Variants in RPAP1 observed in about 807,000 individuals in gnomAD.
RPAP1 encodes RNA polymerase II-associated protein 1.
A neutral mutation model predicts 142.4 loss-of-function variants in RPAP1; 109 were observed. The ratio of observed to expected loss-of-function variants is 0.77; its 90% CI spans 0.66 to 0.90. The LOEUF is 0.90. Ranked by LOEUF, RPAP1 falls within the 40% of genes least tolerant of loss-of-function variation. The probability of loss-of-function intolerance (pLI) is 0.00; values close to 1 mark genes in which losing one functional copy is unlikely to be tolerated. For synonymous variants in RPAP1, 704 were observed against 738.9 expected (o/e 0.95, Z 0.77); for missense variants, 1,546 against 1,751.7 (o/e 0.88, Z 2.10).
At chr15:41,530,082 G>C (rs2051833373) in intron 7 of RPAP1, 103 bp from the exon 8 acceptor site, 1 of 838,050 alleles carries the variant, frequency 1.2e-6, no homozygotes. Flanking sequence ...TCTGTTCCAG[G>C]ATCTGCCAGC....
chr15:41,532,091 G>A (rs2140778891), intron 6 of RPAP1, among the ~76,000 whole-genome samples: 1 of 149,854 alleles, frequency 6.7e-6, no homozygotes, highest in Admixed American at 6.7e-5. Context: ...GCACGATCTC[G>A]GCTCACTGCA....
At chr15:41,520,335 G>T in intron 22 of RPAP1, 56 bp downstream of exon 22, 1 of 1,592,260 alleles carries the variant, frequency 6.3e-7, no homozygotes, top group Non-Finnish European at 8.6e-7. Flanking sequence ...GCTCAGGACT[G>T]CCCCCGAGGC....
chr15:41,534,913 G>A lies in RPAP1; in HGVS notation c.564C>T (p.Pro188=). The change falls in exon 6 of 25, where the codon CCC becomes CCT. Residue 188 remains proline, a synonymous_variant. Transcript: ENST00000304330. ...PPEGAVTCET[P]TPRNQGCQLP... ...GCTGGCAGCCCTGGTTCCTAGGAGTGGGTGTCTCACAGGTCACGGCACCTG... is the reference window on the plus strand; with the variant it reads ...GCTGGCAGCCCTGGTTCCTAGGAGTAGGTGTCTCACAGGTCACGGCACCTG... The A allele has an allele frequency of 6.2e-7, 1 of 1,614,138 alleles. No homozygotes were observed. Among genetic ancestry groups the A allele is most frequent in the South Asian group, 1.1e-5 (1 of 91,078 alleles).
intron 4 of RPAP1, 106 bp downstream of exon 4, chr15:41,536,023 G>T (rs368478427): frequency 3.4e-5 from 27 of 797,776 alleles, no homozygotes; most frequent in African/African-American, 2.4e-4. Flanking sequence ...ATCCTGCTTT[G>T]TAAATTAAAT....
At chr15:41,537,883 CAAAA>C (rs34270949) in intron 1 of RPAP1, among the ~76,000 whole-genome samples, 1 of 131,578 alleles carries the variant, frequency 7.6e-6, no homozygotes, top group Non-Finnish European at 1.6e-5. Context: ...AACTCCGTCT[CAAAA>C]AAAAAAAAAA....
chr15:41,520,356 G>C (rs1226801714), intron 22 of RPAP1, 35 bp downstream of exon 22: 2 of 1,611,264 alleles, frequency 1.2e-6, no homozygotes, highest in Non-Finnish European at 1.7e-6. Flanking sequence ...CCAGTGCAGG[G>C]TACCCTTGCA....
At position 41,531,059 on chromosome 15, in the gene RPAP1, G is replaced by A; in HGVS notation, c.907C>T (p.Pro303Ser). Residue 303 changes from proline (P) to serine (S), a missense_variant, in exon 7 of 25, where the codon CCC (proline) becomes TCC (serine). Around this residue, in one of 3 missense-constraint regions of RPAP1, gnomAD observed 1,333 missense variants for 1,486.6 expected, o/e 0.90. Coordinates refer to ENST00000304330, the MANE Select transcript of RPAP1 (RefSeq NM_015540.4). ...EPLMSAFASE[P>S]RKRDKLEPEA... is the part of the protein sequence containing the mutation. ...GGCTCCAGCTTGTCTCTCTTCCTGG[G>A]CTCACTGGCAAAAGCTGACATGAGG... is the stretch of plus-strand genomic sequence containing the variant. 1 of 1,613,668 alleles carries A rather than the reference G, an allele frequency of 6.2e-7. No homozygotes were observed. The highest frequency in any genetic ancestry group is 8.5e-7 in the Non-Finnish European group (1 of 1,179,718).
intron 1 of RPAP1, among the ~76,000 whole-genome samples, chr15:41,537,653 G>A (rs2051925428): frequency 6.6e-6 from 1 of 152,130 alleles, no homozygotes; most frequent in Admixed American, 6.6e-5. Flanking sequence ...AGGCCGAGGA[G>A]GGTGGGTCAC....
At position 41,517,583 on chromosome 15, in the gene RPAP1, G is replaced by A; in HGVS notation, c.4141C>T (p.Leu1381=). ...CCATTTTGGAGCACTGTTGAAGTCA[G>A]TCTCTGGAGGTAGTGCTGACGCAGA... The part of the protein sequence containing the change: ...PPLRQHYLQR[L]TSTVLQNGVS... The change falls in exon 25 of 25, where the codon CTG becomes TTG. Residue 1381 remains leucine, a synonymous_variant. Transcript: ENST00000304330. The A allele has an allele frequency of 6.2e-7, 1 of 1,602,114 alleles. No individual in the cohort carries two copies. Among genetic ancestry groups the A allele is most frequent in the Non-Finnish European group, 8.5e-7 (1 of 1,174,540 alleles).
intron 6 of RPAP1, among the ~76,000 whole-genome samples, chr15:41,531,955 A>G (rs2051856548): frequency 6.6e-6 from 1 of 151,974 alleles, no homozygotes. Flanking sequence ...TCCTGGGCTC[A>G]AGCAATCCTC....
intron 14 of RPAP1, among the ~76,000 whole-genome samples, chr15:41,525,643 A>AT (rs2051783881): frequency 1.4e-5 from 2 of 142,054 alleles, no homozygotes; most frequent in Non-Finnish European, 3.1e-5. Context: ...AGCCCCTATT[A>AT]TTTTTTTATT....
chr15:41,535,810 T>G (rs971056446), intron 4 of RPAP1, among the ~76,000 whole-genome samples, 178 bp from the exon 5 acceptor site: 2 of 152,222 alleles, frequency 1.3e-5, no homozygotes, highest in African/African-American at 4.8e-5. Flanking sequence ...TCTTAGACTC[T>G]GACAGACTTG....
At chr15:41,536,404 T>C in intron 3 of RPAP1, 97 bp downstream of exon 3, 1 of 1,508,242 alleles carries the variant, frequency 6.6e-7, no homozygotes, top group Non-Finnish European at 9.1e-7. Context: ...TCTACCTTTC[T>C]GAAGCACCCT....
chr15:41,517,866 A>G lies in RPAP1; in HGVS notation c.3973-9T>C. On this transcript the variant is annotated splice_polypyrimidine_tract_variant and intron_variant, in intron 23 of 24. Coordinates refer to ENST00000304330, the MANE Select transcript of RPAP1 (RefSeq NM_015540.4). ...GCAGCTTTGACCTCATCCTAGAAGC[A>G]GAACAGGGAGAGGTGGCACTGAGCC... The G allele has an allele frequency of 6.2e-7, 1 of 1,614,190 alleles. No individual in the cohort carries two copies. The highest frequency in any genetic ancestry group is 8.5e-7 in the Non-Finnish European group (1 of 1,180,048).
intron 17 of RPAP1, 104 bp downstream of exon 17, chr15:41,523,667 G>A: frequency 2.1e-6 from 2 of 968,806 alleles, no homozygotes; most frequent in Non-Finnish European, 3.2e-6. Flanking sequence ...ATAGTAAATG[G>A]GGAAGTAGGA....
chr15:41,529,989 C>T lies in RPAP1; in HGVS notation c.944-10G>A. 2 of 1,611,000 alleles carry T rather than the reference C, an allele frequency of 1.2e-6. No homozygotes were observed. Among genetic ancestry groups the T allele is most frequent in the South Asian group, 1.1e-5 (1 of 90,928 alleles). On this transcript the variant is annotated splice_polypyrimidine_tract_variant and intron_variant, in intron 7 of 24. Coordinates refer to ENST00000304330, the MANE Select transcript of RPAP1 (RefSeq NM_015540.4). ...ACGGGCAATGCCAGAGCTGGGGAGA[C>T]AAAGCATGATAGTATTACCCAAACG...
In RPAP1 at chr15:41,520,763, GCT is replaced by G. The variant is rs2051717184; in HGVS notation, c.3421_3422del (p.Ser1141LeufsTer27). On this transcript the variant is annotated frameshift_variant, in exon 22 of 25. Coordinates refer to ENST00000304330, the MANE Select transcript of RPAP1 (RefSeq NM_015540.4). LOFTEE classifies it high-confidence loss of function. ...RVLQWVLVLE[S>X]WRPQALWAVP... The stretch of plus-strand genomic sequence containing the variant: ...CAGCCCAGAGAGCCTGGGGGCGCCA[GCT>G]CTCCAAAACTAGCACCCACTGCAGG... 6.2e-7 allele frequency: 1 copy of G among 1,613,614 alleles called. No homozygotes were observed. Among genetic ancestry groups the G allele is most frequent in the Non-Finnish European group, 8.5e-7 (1 of 1,179,960 alleles).
chr15:41,536,285 AT>A (rs1411707805), intron 3 of RPAP1, 67 bp from the exon 4 acceptor site: 94 of 1,482,832 alleles, frequency 6.3e-5, no homozygotes, highest in Non-Finnish European at 8.4e-5. Flanking sequence ...ACCCGATCCT[AT>A]TAGCCCAGTT....
chr15:41,524,197 G>A lies in RPAP1; in HGVS notation c.2133C>T (p.Thr711=), dbSNP rs2051764425. 1.3e-6 allele frequency: 2 copies of A among 1,580,392 alleles called. No homozygotes were observed. Among genetic ancestry groups the A allele is most frequent in the Non-Finnish European group, 1.7e-6 (2 of 1,161,662 alleles). The change falls in exon 16 of 25, where the codon ACC becomes ACT. Residue 711 remains threonine, a synonymous_variant. Transcript: ENST00000304330. ...GCATGGACAGGGGTTGAGGTGGGTG[G>A]GTGCTGAGCTCCCGCGGCACCACCT... ...ALQVVPRELS[T]HPPQPLSMQR... is the part of the protein sequence containing the mutation.
Sources: gnomAD v4.1 joint callset for allele counts (sites outside exome capture counted in the v4.1 genomes callset) on GRCh38, gnomAD v4.1.1 for gene constraint, gnomAD v4.1.1 regional missense constraint, MANE v1.5 for transcripts, NCBI Gene and HGNC (gene_info 2026-07-23, HGNC 2026-07-21) for gene names.